INPP4B: variants seen among roughly 807,000 people sequenced by gnomAD.
INPP4B encodes the protein inositol polyphosphate 4-phosphatase type II.
Under a neutral mutation model 122.5 loss-of-function variants are expected in INPP4B, and 55 were observed. The ratio of observed to expected loss-of-function variants is 0.45; its 90% CI spans 0.36 to 0.56. The LOEUF is 0.56. Among genes scored for constraint, INPP4B ranks in the 20% least tolerant of loss-of-function variants. The pLI is 0.00. For missense variants in INPP4B, 1,000 were observed against 1,097.7 expected, an observed-to-expected ratio of 0.91 and a Z score of 1.26; for synonymous variants, 403 against 388.7, an observed-to-expected ratio of 1.04 and a Z score of -0.43.
At chr4:142,040,503 G>C (rs1167505199) in intron 25 of INPP4B, among the ~76,000 whole-genome samples, 1 of 152,134 alleles carries the variant, frequency 6.6e-6, no homozygotes, top group Non-Finnish European at 1.5e-5. Context: ...CACTTTGCTA[G>C]ATAGGAGCTG....
chr4:142,357,841 A>G (rs1784117166), intron 7 of INPP4B, among the ~76,000 whole-genome samples: 2 of 152,162 alleles, frequency 1.3e-5, no homozygotes, highest in South Asian at 4.1e-4. Context: ...TATTGTGGAT[A>G]TACATGTTTG....
rs143532677 is a variant in INPP4B, at chr4:142,620,074, G to A, written c.-191+105765C>T. Among the ~76,000 whole-genome samples the A allele has an allele frequency of 1.1e-3, 172 of 151,920 alleles. 2 individuals are homozygous for A. Among genetic ancestry groups the A allele is most frequent in the African/African-American group, 3.4e-3 (141 of 41,506 alleles). ...AGATAACTCTCATACATTGCTGCTG[G>A]GGATGTGGAAAGCATCGTGGAGATT... On this transcript the variant is annotated intron_variant, in intron 2 of 25. Transcript: ENST00000262992.
At chr4:142,336,196 T>C (rs1436481963) in intron 7 of INPP4B, among the ~76,000 whole-genome samples, 1 of 152,220 alleles carries the variant, frequency 6.6e-6, no homozygotes. Flanking sequence ...CACTCTCTGT[T>C]GTCCATGTAC....
chr4:142,396,629 C>T (rs959658871), intron 7 of INPP4B, among the ~76,000 whole-genome samples: 4 of 152,108 alleles, frequency 2.6e-5, no homozygotes, highest in Non-Finnish European at 4.4e-5. Context: ...AATAAAAGCA[C>T]ATTTTCATAC....
chr4:142,590,878 C>G (rs1334870275), intron 2 of INPP4B, among the ~76,000 whole-genome samples: 1 of 71,014 alleles, frequency 1.4e-5, no homozygotes, highest in Admixed American at 2.1e-4. Context: ...TAATATCATT[C>G]TCCAAAAAAA....
At chr4:142,254,045 C>T (rs1340617393) in intron 11 of INPP4B, among the ~76,000 whole-genome samples, 1 of 152,016 alleles carries the variant, frequency 6.6e-6, no homozygotes. Context: ...GGGTCCCTGA[C>T]CCCTGACCCC....
At chr4:142,051,366 T>C (rs1035917645) in intron 25 of INPP4B, among the ~76,000 whole-genome samples, 2 of 152,024 alleles carry the variant, frequency 1.3e-5, no homozygotes, top group African/African-American at 2.4e-5. Context: ...TATAGAATAC[T>C]AGATGCTGGG....
chr4:142,780,754 C>T (rs1372685872), intron 1 of INPP4B, among the ~76,000 whole-genome samples: 8 of 152,064 alleles, frequency 5.3e-5, no homozygotes, highest in Non-Finnish European at 8.8e-5. Flanking sequence ...GCCAAGATCA[C>T]GCCACTGCAC....
intron 3 of INPP4B, among the ~76,000 whole-genome samples, chr4:142,440,080 C>T (rs887368667): frequency 2.0e-5 from 3 of 152,126 alleles, no homozygotes; most frequent in Admixed American, 2.0e-4. Flanking sequence ...CCCATAGCAA[C>T]AAGATTGATT....
chr4:142,792,529 T>C (rs1371947044), intron 1 of INPP4B, among the ~76,000 whole-genome samples: 1 of 152,078 alleles, frequency 6.6e-6, no homozygotes, highest in African/African-American at 2.4e-5. Flanking sequence ...TATTTAATCA[T>C]TGCCCCAAGG....
intron 3 of INPP4B, among the ~76,000 whole-genome samples, chr4:142,461,339 A>C (rs1816688850): frequency 6.6e-6 from 1 of 152,242 alleles, no homozygotes; most frequent in South Asian, 2.1e-4. Context: ...AAAGGAAAGA[A>C]ATATGATTCA....
chr4:142,584,758 G>C (rs1482505120), intron 2 of INPP4B, among the ~76,000 whole-genome samples: 1 of 151,402 alleles, frequency 6.6e-6, no homozygotes, highest in Non-Finnish European at 1.5e-5. Context: ...TAGTTTTTTG[G>C]GGAAAAAAAA....
intron 12 of INPP4B, among the ~76,000 whole-genome samples, chr4:142,218,127 T>C (rs1172009840): frequency 6.6e-6 from 1 of 152,134 alleles, no homozygotes; most frequent in Non-Finnish European, 1.5e-5. Flanking sequence ...ATCACACTGA[T>C]TTCTCTCTGC....
chr4:142,256,217 A>C (rs1579477804), intron 11 of INPP4B, among the ~76,000 whole-genome samples: 1 of 151,676 alleles, frequency 6.6e-6, no homozygotes. Context: ...GTGTAGAGGG[A>C]AATTTATAGC....
chr4:142,761,840 T>C (rs1771388011), intron 1 of INPP4B, among the ~76,000 whole-genome samples: 1 of 152,166 alleles, frequency 6.6e-6, no homozygotes, highest in Non-Finnish European at 1.5e-5. Flanking sequence ...TAAGACAAGA[T>C]AACATAATTC....
At chr4:142,475,901 G>A (rs778675079) in intron 2 of INPP4B, among the ~76,000 whole-genome samples, 1 of 152,164 alleles carries the variant, frequency 6.6e-6, no homozygotes, top group African/African-American at 2.4e-5. Flanking sequence ...GAAGCACAAA[G>A]TAAGCAACTT....
intron 2 of INPP4B, among the ~76,000 whole-genome samples, chr4:142,496,225 T>G (rs1822548687): frequency 2.0e-5 from 3 of 152,130 alleles, no homozygotes; most frequent in Middle Eastern, 3.2e-3. Context: ...CTCAATATTG[T>G]TCTTTTTATA....
chr4:142,310,759 C>A (rs1765233351), intron 8 of INPP4B, among the ~76,000 whole-genome samples: 1 of 149,640 alleles, frequency 6.7e-6, no homozygotes, highest in East Asian at 2.0e-4. Context: ...ACCAAGTGAA[C>A]TATTAACATT....
intron 7 of INPP4B, among the ~76,000 whole-genome samples, chr4:142,323,402 G>T (rs1300232298): frequency 1.3e-5 from 2 of 151,318 alleles, no homozygotes; most frequent in Non-Finnish European, 2.9e-5. Flanking sequence ...ACCTAAACAT[G>T]CCTGAAATAG....
Sources: gnomAD v4.1 joint callset for allele counts (sites outside exome capture counted in the v4.1 genomes callset) on GRCh38, gnomAD v4.1.1 for gene constraint, MANE v1.5 for transcripts, NCBI Gene and HGNC (gene_info 2026-07-23, HGNC 2026-07-21) for gene names.